The following E2F4 variants were observed in gnomAD, a reference collection of about 807,000 sequenced individuals.
E2F4 encodes the protein E2F transcription factor 4, also known as transcription factor E2F4.
Under a neutral mutation model 44.5 loss-of-function variants are expected in E2F4, and 16 were observed. The observed-to-expected ratio is 0.36, with a 90% CI of 0.24 to 0.55. The LOEUF (loss-of-function observed/expected upper bound fraction) is 0.55, where lower values mean the gene tolerates loss of function less well. Among genes scored for constraint, E2F4 ranks in the 20% least tolerant of loss-of-function variants. The pLI is 0.87. For synonymous variants in E2F4, 242 were observed against 207.2 expected (o/e 1.17, Z -1.44); for missense variants, 473 against 522.1 (o/e 0.91, Z 0.92).
Position 67,195,819 on chromosome 16 carries a change from T to G in E2F4, c.846T>G (p.Gly282=). 6.2e-7 allele frequency: 1 copy of G among 1,614,038 alleles called. No individual in the cohort carries two copies. The highest frequency in any genetic ancestry group is 8.5e-7 in the Non-Finnish European group (1 of 1,179,996). The stretch of plus-strand genomic sequence containing the variant: ...CTGGGACTGATAGCAAGGACAGTGG[T>G]GAGCTCAGTTCACTCCCACTGGGCC... ...GGPGTDSKDS[G]ELSSLPLGPT... Residue 282 remains glycine, a synonymous_variant, in exon 7 of 10, where the codon GGT becomes GGG. Coordinates refer to ENST00000379378, the MANE Select transcript of E2F4 (RefSeq NM_001950.4).
rs746148961 is a variant in E2F4 at position 67,195,927 on chromosome 16, C to CAGCAACAGT, written c.956_964dup (p.Ser319_Ser321dup). On this transcript the variant is annotated inframe_insertion, in exon 7 of 10. Coordinates refer to ENST00000379378, the MANE Select transcript of E2F4 (RefSeq NM_001950.4). ...GCAGCAGCAGCAGCAGCAGCAGCAGCAGCAACAGTAACAGCAGCAGTTCGT... is the reference window on the plus strand; with the variant it reads ...GCAGCAGCAGCAGCAGCAGCAGCAGCAGCAACAGTAGCAACAGTAACAGCAGCAGTTCGT... 26 of 1,613,352 alleles carry CAGCAACAGT rather than the reference C, an allele frequency of 1.6e-5. No individual in the cohort carries two copies. Among genetic ancestry groups the CAGCAACAGT allele is most frequent in the Middle Eastern group, 1.6e-4 (1 of 6,082 alleles).
At chr16:67,197,337 A>G (rs968166918) in intron 7 of E2F4, among the ~76,000 whole-genome samples, 12 of 152,176 alleles carry the variant, frequency 7.9e-5, no homozygotes, top group African/African-American at 2.9e-4. Context: ...GAGCCCAGAA[A>G]GAGGCTTCTG....
rs2032912454 is a variant in E2F4 at position 67,193,047 on chromosome 16, A to C, written c.284A>C (p.Asp95Ala). ...GPGCNTREIA[D>A]KLIELKAEIE... Reference sequence around the variant, plus strand: ...GGCTGCAATACCCGGGAGATTGCTGACAAACTGATTGAGCTCAAGGCAGAG... The same window carrying C: ...GGCTGCAATACCCGGGAGATTGCTGCCAAACTGATTGAGCTCAAGGCAGAG... The change falls in exon 3 of 10, where the codon GAC becomes GCC. Residue 95 changes from aspartate (D) to alanine (A), a missense_variant. By Grantham distance (126) the Asp-to-Ala change is moderately radical. Around this residue, in one of 3 missense-constraint regions of E2F4, gnomAD observed 119 missense variants for 175.6 expected, o/e 0.68. Transcript: ENST00000379378. The C allele has an allele frequency of 6.4e-7, 1 of 1,572,034 alleles. No individual in the cohort carries two copies. The highest frequency in any genetic ancestry group is 8.6e-7 in the Non-Finnish European group (1 of 1,157,846).
At chr16:67,197,474 G>A (rs892155739) in intron 7 of E2F4, 125 bp from the exon 8 acceptor site, 1 of 955,848 alleles carries the variant, frequency 1.0e-6, no homozygotes. Flanking sequence ...GGCCTAGGCA[G>A]GACCTACATC....
Position 67,192,377 on chromosome 16 carries a change from A to G in E2F4, c.135+15A>G, listed in dbSNP as rs372968208. The stretch of plus-strand genomic sequence containing the variant: ...ACCTCAAGCTGGTGCGGCCTGGGCT[A>G]AGGGGAGACAAGGGAGGCTGGTGGA... On this transcript the variant is annotated intron_variant, in intron 1 of 9. Transcript: ENST00000379378. The G allele has an allele frequency of 1.3e-3, 1,846 of 1,412,592 alleles. 5 individuals are homozygous for G. Among genetic ancestry groups the G allele is most frequent in the South Asian group, 3.2e-3 (173 of 54,500 alleles). 87.5% of individuals were successfully genotyped at this position (1,412,592 alleles called of 1,614,324 possible).
chr16:67,192,994 A>G lies in E2F4; in HGVS notation c.246-15A>G, dbSNP rs573677300. On this transcript the variant is annotated splice_polypyrimidine_tract_variant and intron_variant, in intron 2 of 9. Coordinates refer to ENST00000379378, the MANE Select transcript of E2F4 (RefSeq NM_001950.4). The stretch of plus-strand genomic sequence containing the variant: ...GTTCTCAGCAGTCCCTCTCAGCCCC[A>G]CTCCCTGGGCTCAGGGGTGTGGGGC... The G allele has an allele frequency of 4.5e-6, 7 of 1,565,300 alleles. No homozygotes were observed. Among genetic ancestry groups the G allele is most frequent in the East Asian group, 2.4e-5 (1 of 42,310 alleles).
rs368405674 is a variant in E2F4 at position 67,192,305 on chromosome 16, C to G, written c.78C>G (p.Thr26=). 2.1e-6 allele frequency: 3 copies of G among 1,421,790 alleles called. No individual in the cohort carries two copies. The African/African-American group carries it at 4.4e-5, about 21-fold the overall frequency. 88.1% of individuals were successfully genotyped at this position (1,421,790 alleles called of 1,614,324 possible). A position where few individuals can be genotyped will look rare whatever the true frequency, so the allele number is the denominator to read the frequency against. ...ACGAAAAGAGCCTGGGACTGCTCAC[C>G]ACCAAGTTCGTGTCCCTTCTGCAGG... ...SRHEKSLGLL[T]TKFVSLLQEA... The change falls in exon 1 of 10, where the codon ACC becomes ACG. Residue 26 remains threonine (T), a synonymous_variant. Coordinates refer to ENST00000379378, the MANE Select transcript of E2F4 (RefSeq NM_001950.4).
intron 7 of E2F4, among the ~76,000 whole-genome samples, chr16:67,196,643 G>T (rs573162700): frequency 6.6e-6 from 1 of 152,134 alleles, no homozygotes; most frequent in Non-Finnish European, 1.5e-5. Context: ...CCCAGCCTCC[G>T]CCTGGCCTAG....
At chr16:67,192,904 C>T (rs762346686) in intron 2 of E2F4, 34 bp downstream of exon 2, 3 of 1,589,262 alleles carry the variant, frequency 1.9e-6, no homozygotes, top group South Asian at 1.1e-5. Context: ...AGTAGAGTCT[C>T]CCACCCAGAA....
Position 67,194,913 on chromosome 16 carries a change from C to T in E2F4, c.741C>T (p.Leu247=), listed in dbSNP as rs187530788. 9 of 1,614,216 alleles carry T rather than the reference C, an allele frequency of 5.6e-6. No individual in the cohort carries two copies. In the East Asian group the frequency reaches 1.6e-4, roughly 28 times the overall value. The part of the protein sequence containing the change: ...QEASRPNSPQ[L]TPTAVPGSAE... Reference sequence around the variant, plus strand: ...CCTCACGTCCAAATAGTCCTCAGCTCACTCCCACTGCTGTCCCTGGCAGTG... The same window carrying T: ...CCTCACGTCCAAATAGTCCTCAGCTTACTCCCACTGCTGTCCCTGGCAGTG... The change falls in exon 6 of 10, where the codon CTC becomes CTT. Residue 247 remains leucine, a synonymous_variant. Coordinates refer to ENST00000379378, the MANE Select transcript of E2F4 (RefSeq NM_001950.4).
chr16:67,193,054 G>T lies in E2F4; in HGVS notation c.291G>T (p.Leu97=). 1 of 1,571,474 alleles carries T rather than the reference G, an allele frequency of 6.4e-7. No homozygotes were observed. The highest frequency in any genetic ancestry group is 8.6e-7 in the Non-Finnish European group (1 of 1,157,632). ...ATACCCGGGAGATTGCTGACAAACTGATTGAGCTCAAGGCAGAGATCGAGG... is the reference window on the plus strand; with the variant it reads ...ATACCCGGGAGATTGCTGACAAACTTATTGAGCTCAAGGCAGAGATCGAGG... ...GCNTREIADK[L]IELKAEIEEL... Residue 97 remains leucine (L), a synonymous_variant, in exon 3 of 10, where the codon CTG becomes CTT. Transcript: ENST00000379378.
At chr16:67,197,104 T>G (rs777266352) in intron 7 of E2F4, among the ~76,000 whole-genome samples, 12 of 152,226 alleles carry the variant, frequency 7.9e-5, no homozygotes, top group Non-Finnish European at 1.5e-4. Flanking sequence ...TCTGAACTCC[T>G]GAGCCTGGCA....
At chr16:67,195,267 TG>T (rs1311550332) in intron 6 of E2F4, among the ~76,000 whole-genome samples, 1 of 152,226 alleles carries the variant, frequency 6.6e-6, no homozygotes, top group Non-Finnish European at 1.5e-5. Context: ...CCTGAGTAGC[TG>T]GGATTACAGG....
chr16:67,197,955 G>C (rs776376704), intron 9 of E2F4, 44 bp downstream of exon 9: 1 of 1,614,112 alleles, frequency 6.2e-7, no homozygotes, highest in South Asian at 1.1e-5. Context: ...GCAGGGGTTG[G>C]GCTGCTGCTA....
At chr16:67,196,677 C>T (rs1052179053) in intron 7 of E2F4, among the ~76,000 whole-genome samples, 2 of 152,192 alleles carry the variant, frequency 1.3e-5, no homozygotes, top group East Asian at 1.9e-4. Flanking sequence ...CTGCACACTT[C>T]GGTGTCCACC....
rs772757352 is a variant in E2F4 at position 67,198,816 on chromosome 16, C to T, written c.*693C>T. On this transcript the variant is annotated 3_prime_UTR_variant, in exon 10 of 10. Coordinates refer to ENST00000379378, the MANE Select transcript of E2F4 (RefSeq NM_001950.4). Reference sequence around the variant, plus strand: ...AGAGATTTAGAAAGATTTACAGTAACGAATGGATTCCTATATAAAGATTAT... The same window carrying T: ...AGAGATTTAGAAAGATTTACAGTAATGAATGGATTCCTATATAAAGATTAT... 2.8e-5 allele frequency: 8 copies of T among 286,714 alleles called. No homozygotes were observed. The highest frequency in any genetic ancestry group is 4.4e-5 in the African/African-American group (2 of 45,314). The allele number at this position is 286,714 out of a possible 1,614,324, so 17.8% of individuals were successfully genotyped here.
intron 7 of E2F4, among the ~76,000 whole-genome samples, chr16:67,196,371 C>G (rs371896138): frequency 1.3e-5 from 2 of 152,206 alleles, no homozygotes; most frequent in Admixed American, 6.5e-5. Context: ...AGTCACCCCC[C>G]CAGCCCCAGT....
intron 3 of E2F4, 119 bp downstream of exon 3, chr16:67,193,289 A>G: frequency 6.6e-7 from 1 of 1,512,178 alleles, no homozygotes; most frequent in Non-Finnish European, 9.0e-7. Context: ...GCCCAGCCTC[A>G]GGCTCCCTCC....
chr16:67,194,003 A>G lies in E2F4; in HGVS notation c.452-395A>G, dbSNP rs2032928498. The G allele has an allele frequency of 1.7e-5, 4 of 229,748 alleles. No homozygotes were observed. The South Asian group carries it at 2.5e-4, about 14-fold the overall frequency. The allele number at this position is 229,748 out of a possible 1,614,324, so 14.2% of individuals were successfully genotyped here. Reference sequence around the variant, plus strand: ...GAGCTCAAGCTGTCTTCCCTCCTCAACCCCCTAAAGTGCTGGGATTATGGG... The same window carrying G: ...GAGCTCAAGCTGTCTTCCCTCCTCAGCCCCCTAAAGTGCTGGGATTATGGG... On this transcript the variant is annotated intron_variant, in intron 4 of 9. Transcript: ENST00000379378.
Sources: allele counts gnomAD v4.1 joint callset (sites outside exome capture counted in the v4.1 genomes callset), GRCh38; gene constraint gnomAD v4.1.1; regional missense constraint gnomAD v4.1.1; transcripts MANE v1.5; gene names NCBI Gene and HGNC (gene_info 2026-07-23, HGNC 2026-07-21).